Variants in OCA2 observed in about 807,000 individuals in gnomAD.
OCA2 encodes P protein.
A neutral mutation model predicts 100.2 loss-of-function variants in OCA2; 77 were observed. That is an observed-to-expected ratio of 0.77 (90% CI 0.64 to 0.93). The LOEUF (loss-of-function observed/expected upper bound fraction) is 0.93, where lower values mean the gene tolerates loss of function less well. Among genes scored for constraint, OCA2 ranks in the 40% least tolerant of loss-of-function variants. OCA2 has a pLI of 0.00. For missense variants in OCA2, 1,062 were observed against 1,089.1 expected (o/e 0.98, Z 0.35); for synonymous variants, 432 against 439.2 (o/e 0.98, Z 0.21).
chr15:28,016,627 TA>T (rs1480419292), intron 7 of OCA2, among the ~76,000 whole-genome samples: 7 of 151,846 alleles, frequency 4.6e-5, no homozygotes, highest in African/African-American at 1.7e-4. Context: ...AAAAAAGTTT[TA>T]AAAATTAGCC....
At chr15:28,031,392 C>T (rs1265500007) in intron 3 of OCA2, among the ~76,000 whole-genome samples, 4 of 152,192 alleles carry the variant, frequency 2.6e-5, no homozygotes, top group Admixed American at 6.5e-5. Context: ...ATGGAGCAGG[C>T]GGCTCAGGCT....
At chr15:27,846,846 G>A (rs1199777602) in intron 22 of OCA2, among the ~76,000 whole-genome samples, 1 of 152,186 alleles carries the variant, frequency 6.6e-6, no homozygotes, top group Non-Finnish European at 1.5e-5. Context: ...GGAAGGCTGG[G>A]TGAGGATGGG....
chr15:27,806,624 C>A lies in OCA2; in HGVS notation c.2432+38335G>T, dbSNP rs575435470. On this transcript the variant is annotated intron_variant, in intron 23 of 23. Transcript: ENST00000354638. ...CCGCCGTCCGCTGTGCGCTCTCCTG[C>A]GCCTCGGCCTGTCCCTCCCGGCACT... Among the ~76,000 whole-genome samples, 7 of 152,358 alleles carry A rather than the reference C, an allele frequency of 4.6e-5. No homozygotes were observed. The East Asian group carries it at 1.2e-3, about 25-fold the overall frequency.
the OCA2 span, among the ~76,000 whole-genome samples, chr15:27,741,454 G>A: frequency 8.5e-5 from 13 of 152,174 alleles, no homozygotes; most frequent in East Asian, 1.9e-4. Flanking sequence ...GGAGTGAGCC[G>A]GTGTCGTGAC....
At chr15:27,737,951 C>T in the OCA2 span, among the ~76,000 whole-genome samples, 2 of 152,122 alleles carry the variant, frequency 1.3e-5, no homozygotes, top group South Asian at 2.1e-4. Flanking sequence ...AAATGCACAT[C>T]GAAACTGTCT....
chr15:27,915,675 G>T (rs1020913939), intron 19 of OCA2, among the ~76,000 whole-genome samples: 1 of 152,146 alleles, frequency 6.6e-6, no homozygotes, highest in Non-Finnish European at 1.5e-5. Flanking sequence ...CAGTCAGAAT[G>T]GTTAGTATTA....
intron 2 of OCA2, among the ~76,000 whole-genome samples, chr15:28,037,670 C>CT (rs1190364793): frequency 6.6e-6 from 1 of 152,160 alleles, no homozygotes; most frequent in Non-Finnish European, 1.5e-5. Flanking sequence ...AAGCTATCAC[C>CT]TTTTTTATCT....
intron 20 of OCA2, 115 bp downstream of exon 20, chr15:27,871,748 C>A (rs2036583152): frequency 1.3e-6 from 1 of 789,756 alleles, no homozygotes; most frequent in Non-Finnish European, 2.2e-6. Context: ...CCCTGCTGTG[C>A]CTTTTTACAT....
chr15:27,904,895 G>C (rs1362437936), intron 19 of OCA2, among the ~76,000 whole-genome samples: 1 of 152,214 alleles, frequency 6.6e-6, no homozygotes, highest in African/African-American at 2.4e-5. Context: ...TGGGCATGGT[G>C]GTTCATGCCT....
chr15:28,065,828 A>G (rs7496968), intron 2 of OCA2, among the ~76,000 whole-genome samples: 37,879 of 152,010 alleles, frequency 0.25, 7,399 homozygotes, highest in East Asian at 0.67. Context: ...TCAATTATAA[A>G]TCTTGTACTT....
intron 2 of OCA2, among the ~76,000 whole-genome samples, chr15:28,079,010 T>C (rs2141870704): frequency 6.6e-6 from 1 of 152,348 alleles, no homozygotes; most frequent in South Asian, 2.1e-4. Flanking sequence ...CTCTGCCTGC[T>C]TCTCTCCTGC....
rs577409445 is a variant in OCA2, at chr15:28,016,777, G to A, written c.808-591C>T. Among the ~76,000 whole-genome samples, 59 of 152,178 alleles carry A rather than the reference G, an allele frequency of 3.9e-4. No homozygotes were observed. In the South Asian group the frequency reaches 0.012, roughly 31 times the overall value. ...GCCTGGGCAACAGAGTGAGACCCCC[G>A]ACTCTAAAAATTTTCTAATATAAAT... On this transcript the variant is annotated intron_variant, in intron 7 of 23. Transcript: ENST00000354638.
chr15:27,873,156 G>C (rs2036652412), intron 19 of OCA2, among the ~76,000 whole-genome samples: 1 of 152,244 alleles, frequency 6.6e-6, no homozygotes, highest in Admixed American at 6.5e-5. Flanking sequence ...CTTTAGAGCA[G>C]GGTTTCTCAC....
At chr15:27,882,695 A>ATT (rs200561108) in intron 19 of OCA2, among the ~76,000 whole-genome samples, 6 of 146,794 alleles carry the variant, frequency 4.1e-5, no homozygotes, top group African/African-American at 1.6e-4. Context: ...GGAGATTATT[A>ATT]TTTTTTTTTA....
intron 19 of OCA2, chr15:27,896,387 T>C: frequency 1.3e-6 from 1 of 740,870 alleles, no homozygotes. Flanking sequence ...ACAGTGTAAC[T>C]CCAGACATGA....
intron 9 of OCA2, among the ~76,000 whole-genome samples, chr15:27,998,101 G>T (rs2041807852): frequency 6.8e-6 from 1 of 147,712 alleles, no homozygotes; most frequent in Admixed American, 6.9e-5. Context: ...AACCCTAGAA[G>T]AAAACCTAAG....
Position 27,755,232 on chromosome 15 carries a change from G to A in OCA2, c.*156C>T. On this transcript the variant is annotated 3_prime_UTR_variant, in exon 24 of 24. Coordinates refer to ENST00000354638, the MANE Select transcript of OCA2 (RefSeq NM_000275.3). ...GGTGTTCCAACATTCGCTTGAATTA[G>A]AGTGTTAGTGTCAAGGTCTATTCCA... The A allele has an allele frequency of 4.5e-6, 3 of 667,962 alleles. No homozygotes were observed. The highest frequency in any genetic ancestry group is 8.3e-6 in the Non-Finnish European group (3 of 359,744). The allele number at this position is 667,962 out of a possible 1,614,324, so 41.4% of individuals were successfully genotyped here. A position where few individuals can be genotyped will look rare whatever the true frequency, so the allele number is the denominator to read the frequency against.
chr15:28,067,338 A>G (rs1595901573), intron 2 of OCA2, among the ~76,000 whole-genome samples: 1 of 151,812 alleles, frequency 6.6e-6, no homozygotes, highest in African/African-American at 2.4e-5. Flanking sequence ...GATCTTTCGT[A>G]TGGATTTTTG....
intron 2 of OCA2, among the ~76,000 whole-genome samples, chr15:28,068,611 A>G (rs2044097342): frequency 6.6e-6 from 1 of 152,260 alleles, no homozygotes; most frequent in African/African-American, 2.4e-5. Context: ...CATCAGCCTG[A>G]TACCAAAATC....
Sources: gnomAD v4.1 joint callset for allele counts (sites outside exome capture counted in the v4.1 genomes callset) on GRCh38, gnomAD v4.1.1 for gene constraint, MANE v1.5 for transcripts, NCBI Gene and HGNC (gene_info 2026-07-23, HGNC 2026-07-21) for gene names.